Variants in CACNA2D3 observed in about 807,000 individuals in gnomAD.
The protein encoded by CACNA2D3 is calcium voltage-gated channel auxiliary subunit alpha2delta 3.
CACNA2D3 carries 60 observed loss-of-function variants against 160.6 expected under a neutral mutation model. The ratio of observed to expected loss-of-function variants is 0.37; its 90% CI spans 0.30 to 0.46. The LOEUF (loss-of-function observed/expected upper bound fraction) is 0.46. Ranked by LOEUF, CACNA2D3 falls within the 20% of genes least tolerant of loss-of-function variation. The pLI is 1.00. For missense variants in CACNA2D3, 1,205 were observed against 1,365.0 expected (o/e 0.88, Z 1.85); for synonymous variants, 558 against 492.9 (o/e 1.13, Z -1.75).
chr3:54,431,081 G>A (rs1428250665), intron 4 of CACNA2D3, among the ~76,000 whole-genome samples: 1 of 152,136 alleles, frequency 6.6e-6, no homozygotes, highest in Non-Finnish European at 1.5e-5. Flanking sequence ...GCTCACGGCT[G>A]TAATCCCAGC....
intron 16 of CACNA2D3, among the ~76,000 whole-genome samples, chr3:54,841,903 A>T (rs976765506): frequency 6.6e-6 from 1 of 152,178 alleles, no homozygotes; most frequent in Non-Finnish European, 1.5e-5. Flanking sequence ...CCTCTGGTCC[A>T]GGGCCCCTTT....
At position 54,159,232 on chromosome 3, in the gene CACNA2D3, C is replaced by T. The variant is rs538310617; in HGVS notation, c.204+35638C>T. The stretch of plus-strand genomic sequence containing the variant: ...AGAAATAAGTTTAAGAAAAAAAATC[C>T]ATAGTTTTATACCCAAACATCCCTG... On this transcript the variant is annotated intron_variant, in intron 2 of 37. Transcript: ENST00000474759. Among the ~76,000 whole-genome samples the T allele has an allele frequency of 2.6e-4, 40 of 152,144 alleles. 1 individual carries two copies. Among genetic ancestry groups the T allele is most frequent in the African/African-American group, 9.2e-4 (38 of 41,510 alleles).
At chr3:54,738,628 G>T (rs528938848) in intron 11 of CACNA2D3, among the ~76,000 whole-genome samples, 7 of 152,274 alleles carry the variant, frequency 4.6e-5, no homozygotes, top group Non-Finnish European at 1.0e-4. Context: ...GCATTTCCCT[G>T]ATTTGTTTGC....
chr3:54,182,997 A>G (rs1233188220), intron 2 of CACNA2D3, among the ~76,000 whole-genome samples: 1 of 152,170 alleles, frequency 6.6e-6, no homozygotes, highest in Non-Finnish European at 1.5e-5. Flanking sequence ...CCCCATGTAA[A>G]AGATATAATC....
intron 27 of CACNA2D3, chr3:54,918,654 G>A (rs746582709): frequency 2.5e-6 from 4 of 1,614,168 alleles, no homozygotes; most frequent in Non-Finnish European, 3.4e-6. Flanking sequence ...CATGACGCAG[G>A]TTGGCCGGCC....
intron 21 of CACNA2D3, among the ~76,000 whole-genome samples, chr3:54,883,491 C>G (rs1447755143): frequency 6.6e-6 from 1 of 152,072 alleles, no homozygotes; most frequent in Non-Finnish European, 1.5e-5. Flanking sequence ...CCCTAGGAAC[C>G]CAGAGAAGAA....
chr3:54,654,948 C>G (rs1699849294), intron 11 of CACNA2D3, among the ~76,000 whole-genome samples: 1 of 152,178 alleles, frequency 6.6e-6, no homozygotes, highest in Admixed American at 6.5e-5. Context: ...ATTGGCCAGA[C>G]CAGGCAGACC....
intron 4 of CACNA2D3, among the ~76,000 whole-genome samples, chr3:54,471,070 T>C (rs1251403930): frequency 6.6e-6 from 1 of 152,176 alleles, no homozygotes; most frequent in Admixed American, 6.5e-5. Context: ...CTAATAGACA[T>C]CTACAGAACT....
intron 29 of CACNA2D3, among the ~76,000 whole-genome samples, chr3:54,971,885 A>G (rs1702281350): frequency 1.3e-5 from 2 of 152,238 alleles, no homozygotes; most frequent in African/African-American, 2.4e-5. Flanking sequence ...CAACTATACA[A>G]TGGGGATAGA....
Position 54,751,805 on chromosome 3 carries a change from C to T in CACNA2D3, c.1168-794C>T, listed in dbSNP as rs2293663. ...GGCCACAGGCTGCACATGGCCCATC[C>T]GAAGGGTTTTGTTTGGACTGTGTGG... On this transcript the variant is annotated intron_variant, in intron 11 of 37. Coordinates refer to ENST00000474759, the MANE Select transcript of CACNA2D3 (RefSeq NM_018398.3). Among the ~76,000 whole-genome samples, 597 of 152,022 alleles carry T rather than the reference C, an allele frequency of 3.9e-3. 14 individuals are homozygous for T. The East Asian group carries it at 0.059, about 15-fold the overall frequency.
intron 4 of CACNA2D3, among the ~76,000 whole-genome samples, chr3:54,479,801 A>G (rs1410411975): frequency 6.6e-6 from 1 of 152,222 alleles, no homozygotes; most frequent in Admixed American, 6.5e-5. Context: ...TAAATGATGT[A>G]TTTAAATATT....
At chr3:54,440,731 G>A (rs1700131167) in intron 4 of CACNA2D3, among the ~76,000 whole-genome samples, 1 of 152,110 alleles carries the variant, frequency 6.6e-6, no homozygotes, top group Non-Finnish European at 1.5e-5. Flanking sequence ...GTGAGAACAT[G>A]CGGTGTTTGG....
intron 11 of CACNA2D3, among the ~76,000 whole-genome samples, chr3:54,690,733 T>C (rs529044866): frequency 1.3e-5 from 2 of 152,332 alleles, no homozygotes; most frequent in East Asian, 3.9e-4. Context: ...ATTTCACAGA[T>C]AGAATTTATT....
intron 27 of CACNA2D3, among the ~76,000 whole-genome samples, chr3:54,937,901 C>T (rs991948699): frequency 1.3e-5 from 2 of 152,110 alleles, no homozygotes; most frequent in African/African-American, 4.8e-5. Flanking sequence ...GTTGCTGTCC[C>T]CGACCTCATC....
chr3:54,590,191 C>T (rs1280637219), intron 9 of CACNA2D3, among the ~76,000 whole-genome samples: 1 of 152,072 alleles, frequency 6.6e-6, no homozygotes, highest in Admixed American at 6.6e-5. Context: ...ACAAACTGTT[C>T]TATGTCGCCA....
At chr3:54,637,143 A>G (rs1470480948) in intron 10 of CACNA2D3, among the ~76,000 whole-genome samples, 2 of 151,972 alleles carry the variant, frequency 1.3e-5, no homozygotes, top group African/African-American at 2.4e-5. Flanking sequence ...GGGGAATTGT[A>G]AGGGGAGTTT....
chr3:54,359,929 T>C (rs1698713579), intron 3 of CACNA2D3, among the ~76,000 whole-genome samples: 1 of 152,160 alleles, frequency 6.6e-6, no homozygotes, highest in South Asian at 2.1e-4. Context: ...TTTTAGAGAT[T>C]CTGTTGGCAG....
chr3:54,698,107 T>G (rs1700697445), intron 11 of CACNA2D3, among the ~76,000 whole-genome samples: 1 of 151,896 alleles, frequency 6.6e-6, no homozygotes, highest in Admixed American at 6.6e-5. Flanking sequence ...AAATAATATT[T>G]TCAAGCTATT....
chr3:54,350,978 TTTTGTTTG>T (rs1162644413), intron 3 of CACNA2D3, among the ~76,000 whole-genome samples: 4,103 of 46,006 alleles, frequency 0.089, 1,052 homozygotes, highest in Non-Finnish European at 0.12. Context: ...GTTTTTTTTT[TTTTGTTTG>T]TTTTTTTTTT....
Sources: allele counts gnomAD v4.1 joint callset (sites outside exome capture counted in the v4.1 genomes callset), GRCh38; gene constraint gnomAD v4.1.1; transcripts MANE v1.5; gene names NCBI Gene and HGNC (gene_info 2026-07-23, HGNC 2026-07-21).